SORBS2: variants seen among roughly 807,000 people sequenced by gnomAD.
SORBS2 encodes sorbin and SH3 domain containing 2, also known as sorbin and SH3 domain-containing protein 2.
Under a neutral mutation model 97.7 loss-of-function variants are expected in SORBS2, and 46 were observed. The ratio of observed to expected loss-of-function variants is 0.47; its 90% CI spans 0.37 to 0.60. SORBS2 has a LOEUF of 0.60. Ranked by LOEUF, SORBS2 falls within the 20% of genes least tolerant of loss-of-function variation. The probability of loss-of-function intolerance (pLI) is 0.00; values close to 1 mark genes in which losing one functional copy is unlikely to be tolerated. For missense variants in SORBS2, 1,316 were observed against 1,282.3 expected, an observed-to-expected ratio of 1.03 and a Z score of -0.40; for synonymous variants, 476 against 473.4, an observed-to-expected ratio of 1.01 and a Z score of -0.07.
intron 1 of SORBS2, among the ~76,000 whole-genome samples, chr4:185,940,856 T>G (rs752950712): frequency 5.9e-5 from 9 of 152,178 alleles, no homozygotes; most frequent in Non-Finnish European, 4.4e-5. Flanking sequence ...TATTGCACCC[T>G]TTATTCTCTA....
chr4:185,622,886 A>T, intron 7 of SORBS2, 28 bp downstream of exon 19: 1 of 1,555,150 alleles, frequency 6.4e-7, no homozygotes, highest in Non-Finnish European at 8.7e-7. Flanking sequence ...TCTGAACCAC[A>T]AGGAAAAAGA....
intron 2 of SORBS2, among the ~76,000 whole-genome samples, chr4:185,719,770 GC>G (rs2098497514): frequency 6.6e-6 from 1 of 152,194 alleles, no homozygotes; most frequent in Admixed American, 6.5e-5. Context: ...AATTCTTCTT[GC>G]CTGTATAACT....
At chr4:185,879,170 C>CTT (rs1554045438) in intron 1 of SORBS2, among the ~76,000 whole-genome samples, 2 of 98,756 alleles carry the variant, frequency 2.0e-5, no homozygotes, top group Admixed American at 9.1e-5. Context: ...ATCCCTCCCC[C>CTT]CCCCCCACCC....
At chr4:185,651,724 C>G (rs374110558) in intron 2 of SORBS2, 60 bp downstream of exon 11, 10 of 920,176 alleles carry the variant, frequency 1.1e-5, no homozygotes, top group Non-Finnish European at 1.8e-5. Context: ...GTGACCGTGT[C>G]GTTCTTCCAA....
At chr4:185,831,661 G>A (rs1370017465) in intron 1 of SORBS2, among the ~76,000 whole-genome samples, 1 of 152,190 alleles carries the variant, frequency 6.6e-6, no homozygotes, top group Non-Finnish European at 1.5e-5. Flanking sequence ...CAGGTATGTG[G>A]ACGGGTGTTG....
chr4:185,943,191 C>A (rs6850273), intron 1 of SORBS2, among the ~76,000 whole-genome samples: 27,252 of 152,144 alleles, frequency 0.18, 2,663 homozygotes, highest in African/African-American at 0.24. Context: ...CAGGAAAGAT[C>A]CCTTGGGTGG....
At chr4:185,890,632 C>T (rs1269731664) in intron 1 of SORBS2, among the ~76,000 whole-genome samples, 1 of 152,216 alleles carries the variant, frequency 6.6e-6, no homozygotes, top group Non-Finnish European at 1.5e-5. Flanking sequence ...GGTCTCACCT[C>T]TGCCTGCTGA....
At chr4:185,832,112 G>A (rs2099205478) in intron 1 of SORBS2, among the ~76,000 whole-genome samples, 2 of 152,132 alleles carry the variant, frequency 1.3e-5, no homozygotes, top group South Asian at 4.1e-4. Context: ...ATTAACACTT[G>A]GTAAGGCAGC....
rs1036144418 is a variant in SORBS2 at position 185,614,067 on chromosome 4, T to C, written c.2595+764A>G. 1.3e-5 allele frequency among the ~76,000 whole-genome samples: 2 copies of C among 152,148 alleles called. 1 individual carries two copies. On this transcript the variant is annotated intron_variant, in intron 11 of 14. Coordinates refer to ENST00000418609, the Ensembl canonical transcript of SORBS2. Reference sequence around the variant, plus strand: ...GAGGCAGTTACCTCAAACAAATATATGTCATATTTAGAAAGCAATAAGAAT... The same window carrying C: ...GAGGCAGTTACCTCAAACAAATATACGTCATATTTAGAAAGCAATAAGAAT...
chr4:185,679,610 C>A (rs561828788), intron 2 of SORBS2, among the ~76,000 whole-genome samples: 1 of 152,074 alleles, frequency 6.6e-6, no homozygotes, highest in African/African-American at 2.4e-5. Flanking sequence ...GCTTGTGTTG[C>A]CTGGTTTATT....
In SORBS2 at chr4:185,623,628, C is replaced by G; in HGVS notation, c.1501G>C (p.Asp501His). 5.0e-6 allele frequency: 8 copies of G among 1,614,102 alleles called. No homozygotes were observed. The highest frequency in any genetic ancestry group is 5.9e-6 in the Non-Finnish European group (7 of 1,180,026). ...GACACAACCCCGTCCTGGTCGCTGT[C>G]GGAAAACTCCACGTGTGCTCGGGGC... Residue 501 changes from aspartate (D) to histidine (H), a missense_variant, in exon 7 of 15, where the codon GAC becomes CAC. By Grantham distance (81) the Asp-to-His change is moderately conservative (BLOSUM62 -1). Transcript: ENST00000418609. The surrounding 1 kb of genome is among the most constrained non-coding windows in gnomAD (Gnocchi z 6.4).
At chr4:185,677,222 G>C in intron 4 of SORBS2, 1 of 1,551,644 alleles carries the variant, frequency 6.4e-7, no homozygotes, top group South Asian at 1.2e-5. Context: ...ACGGTACTTC[G>C]ACAGATTTGG....
intron 1 of SORBS2, among the ~76,000 whole-genome samples, chr4:185,894,881 T>C (rs2099244254): frequency 6.6e-6 from 1 of 152,144 alleles, no homozygotes; most frequent in South Asian, 2.1e-4. Context: ...GCCTAGCACT[T>C]TCCTGAAGCA....
intron 1 of SORBS2, among the ~76,000 whole-genome samples, chr4:185,778,297 G>A (rs1361810694): frequency 6.6e-6 from 1 of 152,204 alleles, no homozygotes; most frequent in African/African-American, 2.4e-5. Flanking sequence ...GTCTGATTCA[G>A]TAGGTCTGGC....
intron 4 of SORBS2, among the ~76,000 whole-genome samples, chr4:185,671,247 G>T (rs1182869632): frequency 6.6e-6 from 1 of 152,194 alleles, no homozygotes; most frequent in Non-Finnish European, 1.5e-5. Flanking sequence ...ACAGCATGTG[G>T]CATCTGAATC....
chr4:185,857,938 C>T (rs1267569279), intron 1 of SORBS2, among the ~76,000 whole-genome samples: 2 of 152,144 alleles, frequency 1.3e-5, no homozygotes, highest in Admixed American at 1.3e-4. Context: ...CTAATTTTGC[C>T]CTTGCCTTGT....
intron 1 of SORBS2, among the ~76,000 whole-genome samples, chr4:185,862,745 CT>C (rs2099224572): frequency 6.6e-6 from 1 of 152,210 alleles, no homozygotes; most frequent in South Asian, 2.1e-4. Context: ...TGTGAGGAAG[CT>C]TGCCTCTTCT....
In SORBS2 at chr4:185,891,806, G is replaced by T. The variant is rs541642251; in HGVS notation, c.-338+64390C>A. Among the ~76,000 whole-genome samples, 12 of 152,196 alleles carry T rather than the reference G, an allele frequency of 7.9e-5. No homozygotes were observed. The South Asian group carries it at 2.5e-3, about 32-fold the overall frequency. On this transcript the variant is annotated intron_variant, in intron 1 of 20. Coordinates refer to the SORBS2 transcript ENST00000284776. ...GTGAATTGGTTTTGTCTGTGTAGTGGGCAAGAAGAGCCCATCAGGTGGTTA... is the reference window on the plus strand; with the variant it reads ...GTGAATTGGTTTTGTCTGTGTAGTGTGCAAGAAGAGCCCATCAGGTGGTTA...
At position 185,785,333 on chromosome 4, in the gene SORBS2, A is replaced by G. The variant is rs190475907; in HGVS notation, c.-337-9967T>C. Among the ~76,000 whole-genome samples, 4 of 152,322 alleles carry G rather than the reference A, an allele frequency of 2.6e-5. No homozygotes were observed. The East Asian group carries it at 5.8e-4, about 22-fold the overall frequency. On this transcript the variant is annotated intron_variant, in intron 1 of 20. Transcript: ENST00000284776. ...TTGATTAGGCGGCCGGTGAATTTTC[A>G]GAGTTAAACAAAGTTAAAAATACAC...
Sources: gnomAD v4.1 joint callset for allele counts (sites outside exome capture counted in the v4.1 genomes callset) on GRCh38, gnomAD v4.1.1 for gene constraint, Gnocchi (gnomAD v3.1) non-coding constraint, MANE v1.5 for transcripts, NCBI Gene and HGNC (gene_info 2026-07-23, HGNC 2026-07-21) for gene names.